The following GRM7 variants were observed in gnomAD, a reference collection of about 807,000 sequenced individuals.
GRM7 encodes the protein glutamate metabotropic receptor 7.
A neutral mutation model predicts 84.5 loss-of-function variants in GRM7; 35 were observed. The ratio of observed to expected loss-of-function variants is 0.41; its 90% confidence interval spans 0.32 to 0.55. The LOEUF is 0.55. Ranked by LOEUF, GRM7 falls within the 20% of genes least tolerant of loss-of-function variation. The probability of loss-of-function intolerance (pLI) is 0.19; values close to 1 mark genes in which losing one functional copy is unlikely to be tolerated. For synonymous variants in GRM7, 487 were observed against 455.1 expected (o/e 1.07, Z -0.89); for missense variants, 1,003 against 1,194.6 (o/e 0.84, Z 2.36).
At chr3:7,411,668 A>G (rs73810628) in intron 4 of GRM7, among the ~76,000 whole-genome samples, 7,239 of 152,190 alleles carry the variant, frequency 0.048, 503 homozygotes, top group African/African-American at 0.15. Context: ...AGATTCATAC[A>G]TGTTTTTGTG....
At chr3:7,139,244 T>G (rs1693867975) in intron 1 of GRM7, among the ~76,000 whole-genome samples, 1 of 151,602 alleles carries the variant, frequency 6.6e-6, no homozygotes. Flanking sequence ...TCATATTTTC[T>G]TTTTACGGTA....
chr3:7,240,120 G>GTT lies in GRM7; in HGVS notation c.737-58541_737-58540dup, dbSNP rs397988598. Among the ~76,000 whole-genome samples the GTT allele has an allele frequency of 5.1e-3, 270 of 52,684 alleles. 26 individuals carry two copies. Among genetic ancestry groups the GTT allele is most frequent in the African/African-American group, 0.018 (261 of 14,238 alleles). The allele number at this position is 52,684 out of a possible 152,430, so 34.6% of individuals were successfully genotyped here. ...TACCAGTAATCTTTTAGCATGTGAG[G>GTT]TTTTTTTTTTTTTTTTTTTTTTTTC... On this transcript the variant is annotated intron_variant, in intron 2 of 9. Transcript: ENST00000357716.
chr3:7,452,558 TTGTGTGTGTG>T (rs111752136), intron 5 of GRM7, 39 bp from the exon 6 acceptor site: 69,177 of 1,006,910 alleles, frequency 0.069, 2,035 homozygotes, highest in Non-Finnish European at 0.081. Context: ...CAATGCCAAT[TTGTGTGTGTG>T]TGTGTGTGTG....
At chr3:7,635,293 G>T (rs1156853286) in intron 8 of GRM7, among the ~76,000 whole-genome samples, 1 of 152,206 alleles carries the variant, frequency 6.6e-6, no homozygotes, top group Non-Finnish European at 1.5e-5. Flanking sequence ...ATCTCAAAAA[G>T]TGGATTTGGA....
At chr3:7,630,369 C>A (rs886921733) in intron 8 of GRM7, among the ~76,000 whole-genome samples, 25 of 152,170 alleles carry the variant, frequency 1.6e-4, no homozygotes. Flanking sequence ...ATTTTCAACA[C>A]CTGGCAACAA....
intron 1 of GRM7, among the ~76,000 whole-genome samples, chr3:7,000,800 C>A (rs1694987717): frequency 1.3e-5 from 2 of 152,198 alleles, no homozygotes; most frequent in Non-Finnish European, 2.9e-5. Flanking sequence ...GACAGAGCCA[C>A]ACATTGGCTC....
At chr3:7,228,309 G>A (rs145766634) in intron 2 of GRM7, among the ~76,000 whole-genome samples, 96 of 150,618 alleles carry the variant, frequency 6.4e-4, no homozygotes, top group African/African-American at 2.3e-3. Context: ...TTATTTTTTA[G>A]TTATAGTTCA....
intron 1 of GRM7, among the ~76,000 whole-genome samples, chr3:6,890,928 T>C (rs1484879636): frequency 7.2e-5 from 11 of 152,102 alleles, no homozygotes; most frequent in African/African-American, 2.2e-4. Context: ...GTATTGGGTG[T>C]ATATATATTT....
intron 4 of GRM7, among the ~76,000 whole-genome samples, chr3:7,333,079 A>G (rs1430741794): frequency 6.6e-6 from 1 of 152,164 alleles, no homozygotes; most frequent in Non-Finnish European, 1.5e-5. Flanking sequence ...AACTCATAAC[A>G]GAACAACCCT....
chr3:7,040,376 C>T (rs1167605410), intron 1 of GRM7, among the ~76,000 whole-genome samples: 2 of 152,028 alleles, frequency 1.3e-5, no homozygotes, highest in Non-Finnish European at 2.9e-5. Context: ...GATCTCCACT[C>T]ACTGTAACCC....
intron 1 of GRM7, among the ~76,000 whole-genome samples, chr3:6,873,923 G>C (rs1695213248): frequency 6.6e-6 from 1 of 152,168 alleles, no homozygotes; most frequent in African/African-American, 2.4e-5. Flanking sequence ...TTCACCTAGG[G>C]GATTGAGTGA....
At chr3:6,978,381 C>T (rs914891528) in intron 1 of GRM7, among the ~76,000 whole-genome samples, 4 of 152,104 alleles carry the variant, frequency 2.6e-5, no homozygotes, top group African/African-American at 9.7e-5. Context: ...TTGGAGAACA[C>T]ATCTCTGTTG....
chr3:7,724,950 T>C (rs1202741073), intron 9 of GRM7, among the ~76,000 whole-genome samples: 5 of 152,100 alleles, frequency 3.3e-5, no homozygotes, highest in Non-Finnish European at 7.4e-5. Context: ...ATTATTTTTT[T>C]TTTATTTTTT....
intron 1 of GRM7, among the ~76,000 whole-genome samples, chr3:7,018,109 AAATTTT>A (rs1384408232): frequency 3.9e-5 from 6 of 152,268 alleles, no homozygotes; most frequent in African/African-American, 1.4e-4. Context: ...GAAACAGGTG[AAATTTT>A]AATTTTAATA....
rs527703640 is a variant in GRM7, at chr3:7,318,386, G to A, written c.1033+11734G>A. 2.0e-5 allele frequency among the ~76,000 whole-genome samples: 3 copies of A among 152,156 alleles called. No individual in the cohort carries two copies. The South Asian group carries it at 6.2e-4, about 32-fold the overall frequency. On this transcript the variant is annotated intron_variant, in intron 4 of 9. Coordinates refer to ENST00000357716, the MANE Select transcript of GRM7 (RefSeq NM_000844.4). ...TATGGGCTGTGAAGAACTGTACCTA[G>A]TGCAGTAAGAAAGTATTATTAGTTT...
At chr3:7,011,057 T>G (rs1342983037) in intron 1 of GRM7, among the ~76,000 whole-genome samples, 1 of 152,164 alleles carries the variant, frequency 6.6e-6, no homozygotes, top group Non-Finnish European at 1.5e-5. Context: ...TATATCCTGG[T>G]TCCCCTCCTG....
intron 7 of GRM7, among the ~76,000 whole-genome samples, chr3:7,568,519 T>C (rs1343587674): frequency 3.9e-5 from 6 of 152,206 alleles, no homozygotes; most frequent in Non-Finnish European, 8.8e-5. Context: ...CCCTTCAGCC[T>C]GCCGCTGCAC....
At chr3:7,341,542 C>T (rs910675313) in intron 4 of GRM7, among the ~76,000 whole-genome samples, 1 of 152,072 alleles carries the variant, frequency 6.6e-6, no homozygotes, top group Admixed American at 6.6e-5. Flanking sequence ...CCCTCTCTTA[C>T]AAGAGCTTGC....
At position 7,240,120 on chromosome 3, in the gene GRM7, G is replaced by GTTTTTTTTTTTTTT. The variant is rs397988598; in HGVS notation, c.737-58553_737-58540dup. ...TACCAGTAATCTTTTAGCATGTGAG[G>GTTTTTTTTTTTTTT]TTTTTTTTTTTTTTTTTTTTTTTTC... On this transcript the variant is annotated intron_variant, in intron 2 of 9. Coordinates refer to ENST00000357716, the MANE Select transcript of GRM7 (RefSeq NM_000844.4). Among the ~76,000 whole-genome samples the GTTTTTTTTTTTTTT allele has an allele frequency of 5.9e-4, 31 of 52,720 alleles. 8 individuals are homozygous for GTTTTTTTTTTTTTT. Among genetic ancestry groups the GTTTTTTTTTTTTTT allele is most frequent in the South Asian group, 1.7e-3 (2 of 1,192 alleles). 34.6% of individuals were successfully genotyped at this position (52,720 alleles called of 152,430 possible). A position where few individuals can be genotyped will look rare whatever the true frequency, so the allele number is the denominator to read the frequency against.
Sources: allele counts gnomAD v4.1 joint callset (sites outside exome capture counted in the v4.1 genomes callset), GRCh38; gene constraint gnomAD v4.1.1; transcripts MANE v1.5; gene names NCBI Gene and HGNC (gene_info 2026-07-23, HGNC 2026-07-21).